The following MAP4 variants were observed in gnomAD, a reference collection of about 807,000 sequenced individuals.
MAP4 encodes microtubule-associated protein 4.
MAP4 carries 76 observed loss-of-function variants against 170.2 expected under a neutral mutation model. That is an observed-to-expected ratio of 0.45 (90% confidence interval 0.37 to 0.54). The LOEUF is 0.54. Among genes scored for constraint, MAP4 ranks in the 20% least tolerant of loss-of-function variants. The pLI, the probability that MAP4 is intolerant of heterozygous loss-of-function variation, is 0.00. For synonymous variants in MAP4, 909 were observed against 994.5 expected (o/e 0.91, Z 1.62); for missense variants, 2,506 against 2,748.0 (o/e 0.91, Z 1.97).
intron 1 of MAP4, among the ~76,000 whole-genome samples, chr3:48,055,128 T>C (rs2100130097): frequency 6.6e-6 from 1 of 152,182 alleles, no homozygotes; most frequent in Non-Finnish European, 1.5e-5. Flanking sequence ...GTGGGGAACC[T>C]GGGCCTCCAC....
intron 1 of MAP4, among the ~76,000 whole-genome samples, chr3:48,051,486 C>T (rs2100127834): frequency 6.6e-6 from 1 of 152,138 alleles, no homozygotes; most frequent in African/African-American, 2.4e-5. Context: ...TTTATAGCAC[C>T]ATTGAGACTC....
chr3:47,851,293 G>A lies in MAP4; in HGVS notation c.*1641C>T, dbSNP rs531276568. On this transcript the variant is annotated 3_prime_UTR_variant, in exon 21 of 21. Coordinates refer to ENST00000683076, the MANE Select transcript of MAP4 (RefSeq NM_001385682.1). ...GTGCTTGGGGAGCTAGGGACATGGT[G>A]TCAAACCTCCACAAGGCACTGCTAC... 30 of 152,356 alleles carry A rather than the reference G, an allele frequency of 2.0e-4. No homozygotes were observed. The highest frequency in any genetic ancestry group is 6.7e-4 in the African/African-American group (28 of 41,562). The allele number at this position is 152,356 out of a possible 1,614,324, so 9.4% of individuals were successfully genotyped here.
In MAP4 at chr3:47,918,828, G is replaced by A. The variant is rs749344025; in HGVS notation, c.543C>T (p.Cys181=). 3.1e-6 allele frequency: 5 copies of A among 1,612,802 alleles called. No individual in the cohort carries two copies. Among genetic ancestry groups the A allele is most frequent in the East Asian group, 2.2e-5 (1 of 44,852 alleles). The change falls in exon 6 of 21, where the codon TGC becomes TGT. Residue 181 remains cysteine, a synonymous_variant. Transcript: ENST00000683076. ...ACCCCTGAGGTACAACAGCTGTGTT[G>A]CAGGGAGACATACCTAATATTGAAA... is the stretch of plus-strand genomic sequence containing the variant. ...PLKDSYGMSP[C]NTAVVPQGWS...
chr3:47,908,432 CAA>C (rs2100034277), intron 9 of MAP4, among the ~76,000 whole-genome samples: 1 of 152,036 alleles, frequency 6.6e-6, no homozygotes, highest in African/African-American at 2.4e-5. Context: ...ACAAACTGGT[CAA>C]AAAATGTATC....
At chr3:47,994,295 G>T (rs1192246126) in intron 2 of MAP4, among the ~76,000 whole-genome samples, 1 of 152,166 alleles carries the variant, frequency 6.6e-6, no homozygotes, top group Non-Finnish European at 1.5e-5. Context: ...ATGCACGGTG[G>T]AGACATTTGT....
Position 47,874,591 on chromosome 3 carries a change from A to AC in MAP4, c.5757+1093dup, listed in dbSNP as rs1231558448. Among the ~76,000 whole-genome samples the AC allele has an allele frequency of 5.3e-5, 8 of 152,040 alleles. No individual in the cohort carries two copies. The South Asian group carries it at 1.7e-3, about 32-fold the overall frequency. ...CCTCTCCTTCCTACTCTCCTCTGTCACCCCCCAGAAGCCGCTGCTGAATAA... is the reference window on the plus strand; with the variant it reads ...CCTCTCCTTCCTACTCTCCTCTGTCACCCCCCCAGAAGCCGCTGCTGAATAA... On this transcript the variant is annotated intron_variant, in intron 12 of 20. Coordinates refer to ENST00000683076, the MANE Select transcript of MAP4 (RefSeq NM_001385682.1).
At chr3:48,040,717 C>A (rs1424295781) in intron 1 of MAP4, among the ~76,000 whole-genome samples, 1 of 151,998 alleles carries the variant, frequency 6.6e-6, no homozygotes, top group Non-Finnish European at 1.5e-5. Flanking sequence ...GCATGCGCCA[C>A]CACACCCAGC....
At chr3:47,858,900 G>A (rs1470830607) in intron 17 of MAP4, among the ~76,000 whole-genome samples, 1 of 152,108 alleles carries the variant, frequency 6.6e-6, no homozygotes, top group Non-Finnish European at 1.5e-5. Context: ...AGGCTAAGGC[G>A]GGCGGATCAC....
chr3:47,981,902 TTTAA>T (rs1450323654), intron 2 of MAP4, among the ~76,000 whole-genome samples: 4 of 152,294 alleles, frequency 2.6e-5, no homozygotes, highest in Admixed American at 6.5e-5. Flanking sequence ...AGACCCATGA[TTTAA>T]TTGAGAAAAA....
chr3:47,937,286 T>A (rs892161132), intron 3 of MAP4, among the ~76,000 whole-genome samples: 1 of 152,162 alleles, frequency 6.6e-6, no homozygotes, highest in Admixed American at 6.5e-5. Flanking sequence ...TAGATGAAAG[T>A]ACTCATTACT....
chr3:47,870,205 T>C (rs1039654663), intron 15 of MAP4, among the ~76,000 whole-genome samples: 5 of 152,142 alleles, frequency 3.3e-5, no homozygotes, highest in Non-Finnish European at 7.4e-5. Context: ...TAAATAATTC[T>C]GGGACTGATG....
chr3:48,071,652 C>T (rs2154564908), intron 1 of MAP4, among the ~76,000 whole-genome samples: 1 of 152,240 alleles, frequency 6.6e-6, no homozygotes, highest in South Asian at 2.1e-4. Context: ...TAGCCGGGTG[C>T]AGTCGCTCAC....
chr3:47,858,295 G>A (rs1408059267), intron 17 of MAP4, among the ~76,000 whole-genome samples: 2 of 152,114 alleles, frequency 1.3e-5, no homozygotes, highest in Admixed American at 6.6e-5. Flanking sequence ...TTACAGGTGT[G>A]AGCCACCACG....
intron 2 of MAP4, among the ~76,000 whole-genome samples, chr3:47,988,876 G>C (rs926283553): frequency 6.6e-6 from 1 of 152,118 alleles, no homozygotes; most frequent in African/African-American, 2.4e-5. Flanking sequence ...GCAGTGGCAC[G>C]ATCTTGGCTC....
chr3:47,911,967 A>G lies in MAP4; in HGVS notation c.2454T>C (p.Thr818=), dbSNP rs1350686051. The change falls in exon 9 of 21, where the codon ACT becomes ACC. Residue 818 remains threonine, a synonymous_variant. Transcript: ENST00000683076. The surrounding 1 kb of genome is among the most constrained non-coding windows in gnomAD (Gnocchi z 4.0). The stretch of plus-strand genomic sequence containing the variant: ...ATACAAGTCCATATTCTGTACCCAT[A>G]GTGGTAGGCTGGCTGGGGAGAACAC... ...KSGVLPSQPT[T]MGTEYGLVSG... 2.6e-6 allele frequency: 4 copies of G among 1,535,976 alleles called. No individual in the cohort carries two copies. The highest frequency in any genetic ancestry group is 2.7e-5 in the African/African-American group (2 of 73,036).
intron 10 of MAP4, among the ~76,000 whole-genome samples, chr3:47,887,598 AC>A (rs2097823255): frequency 6.6e-6 from 1 of 152,156 alleles, no homozygotes; most frequent in African/African-American, 2.4e-5. Context: ...CGAACGCACC[AC>A]GGCGCAGGAC....
intron 1 of MAP4, among the ~76,000 whole-genome samples, chr3:48,028,891 C>A (rs2100114451): frequency 6.6e-6 from 1 of 152,084 alleles, no homozygotes; most frequent in Non-Finnish European, 1.5e-5. Context: ...GTCTGTAATC[C>A]CAGCATACTG....
In MAP4 at chr3:47,853,232, G is replaced by T. The variant is rs145813357; in HGVS notation, c.6817C>A (p.His2273Asn). 177 of 1,582,072 alleles carry T rather than the reference G, an allele frequency of 1.1e-4. No individual in the cohort carries two copies. The highest frequency in any genetic ancestry group is 1.5e-4 in the Non-Finnish European group (174 of 1,162,622). The change falls in exon 20 of 21, where the codon CAC becomes AAC. Residue 2273 changes from histidine (H) to asparagine (N), a missense_variant. His to Asn is a moderately conservative substitution (Grantham distance 68). Coordinates refer to ENST00000683076, the MANE Select transcript of MAP4 (RefSeq NM_001385682.1). ...APTSASGLNG[H>N]PTLSGGGDQR... ...TCACCACCCCCTGACAGGGTGGGGT[G>T]GCCATTGAGGCCACTGGCTGAAGTG...
At position 47,910,816 on chromosome 3, in the gene MAP4, G is replaced by A; in HGVS notation, c.3605C>T (p.Ala1202Val). 1 of 1,536,058 alleles carries A rather than the reference G, an allele frequency of 6.5e-7. No individual in the cohort carries two copies. Among genetic ancestry groups the A allele is most frequent in the African/African-American group, 1.4e-5 (1 of 73,138 alleles). Residue 1202 changes from alanine to valine, a missense_variant, in exon 9 of 21, where the codon GCT (alanine) becomes GTT (valine). Physicochemically the swap from Ala to Val is moderately conservative, Grantham distance 64. Around this residue, in one of 3 missense-constraint regions of MAP4, gnomAD observed 2,008 missense variants for 2,206.0 expected, o/e 0.91. Transcript: ENST00000683076. ...GRCPWKDHEAAPWISEKPKKR... is the reference protein window; with the variant it reads ...GRCPWKDHEAVPWISEKPKKR... ...TTTAGGCTTTTCAGAAATCCAGGGAGCTGCCTCATGATCCTTCCATGGACA... is the reference window on the plus strand; with the variant it reads ...TTTAGGCTTTTCAGAAATCCAGGGAACTGCCTCATGATCCTTCCATGGACA...
Sources: allele counts gnomAD v4.1 joint callset (sites outside exome capture counted in the v4.1 genomes callset), GRCh38; gene constraint gnomAD v4.1.1; regional missense constraint gnomAD v4.1.1; non-coding constraint Gnocchi (gnomAD v3.1); transcripts MANE v1.5; gene names NCBI Gene and HGNC (gene_info 2026-07-23, HGNC 2026-07-21).